The following MNAT1 variants were observed in gnomAD, a reference collection of about 807,000 sequenced individuals.
MNAT1 encodes MNAT1 component of CDK activating kinase.
Under a neutral mutation model 42.0 loss-of-function variants are expected in MNAT1, and 43 were observed. That is an observed-to-expected ratio of 1.02 (90% CI 0.80 to 1.32). The LOEUF is 1.32. Ranked by LOEUF, MNAT1 falls within the 40% of genes most tolerant of loss-of-function variation. The pLI, the probability that MNAT1 is intolerant of heterozygous loss-of-function variation, is 0.00. For synonymous variants in MNAT1, 118 were observed against 120.0 expected, an observed-to-expected ratio of 0.98 and a Z score of 0.11; for missense variants, 306 against 350.4, an observed-to-expected ratio of 0.87 and a Z score of 1.01.
intron 6 of MNAT1, among the ~76,000 whole-genome samples, chr14:60,865,499 G>T (rs1016211497): frequency 1.8e-4 from 28 of 152,036 alleles, no homozygotes; most frequent in Non-Finnish European, 3.7e-4. Flanking sequence ...TTTAAAGGAG[G>T]CAGGTTTTGT....
At chr14:60,900,757 A>AT (rs1162987742) in intron 7 of MNAT1, among the ~76,000 whole-genome samples, 1 of 152,136 alleles carries the variant, frequency 6.6e-6, no homozygotes, top group African/African-American at 2.4e-5. Context: ...CACACCTCTC[A>AT]TTCCAGGATT....
At chr14:60,805,531 G>C (rs1029212942) in intron 3 of MNAT1, among the ~76,000 whole-genome samples, 1 of 152,152 alleles carries the variant, frequency 6.6e-6, no homozygotes. Context: ...CATTTTAACT[G>C]TCCTAAAAAT....
chr14:60,912,223 A>T (rs1460828602), intron 7 of MNAT1, among the ~76,000 whole-genome samples: 1 of 152,084 alleles, frequency 6.6e-6, no homozygotes, highest in Non-Finnish European at 1.5e-5. Flanking sequence ...GTCTGTGCAC[A>T]TGAGATGGGT....
intron 6 of MNAT1, among the ~76,000 whole-genome samples, chr14:60,861,114 G>T (rs1035214031): frequency 8.6e-5 from 13 of 152,010 alleles, no homozygotes; most frequent in African/African-American, 3.1e-4. Context: ...GTCTCATGTA[G>T]TGCAGATTAA....
At chr14:60,909,350 G>C (rs1345009133) in intron 7 of MNAT1, among the ~76,000 whole-genome samples, 1 of 151,994 alleles carries the variant, frequency 6.6e-6, no homozygotes, top group East Asian at 1.9e-4. Flanking sequence ...TGTCAATTTT[G>C]GCTTTTGTTG....
chr14:60,935,600 T>C (rs7156087), intron 7 of MNAT1, among the ~76,000 whole-genome samples: 134,821 of 152,140 alleles, frequency 0.89, 60,776 homozygotes, highest in Non-Finnish European at 0.99. Flanking sequence ...TATGGGCACA[T>C]AATGTGTTTG....
At chr14:60,844,689 G>A (rs2033639882) in intron 6 of MNAT1, among the ~76,000 whole-genome samples, 1 of 151,176 alleles carries the variant, frequency 6.6e-6, no homozygotes, top group Non-Finnish European at 1.5e-5. Flanking sequence ...TTGCCCTATT[G>A]CAGTGCCTTA....
chr14:60,741,018 C>CTT (rs1298178835), intron 1 of MNAT1, among the ~76,000 whole-genome samples: 4 of 152,194 alleles, frequency 2.6e-5, no homozygotes, highest in South Asian at 4.1e-4. Flanking sequence ...ATACTTTATG[C>CTT]ATTTTGGAAC....
At chr14:60,858,088 C>G (rs2034005767) in intron 6 of MNAT1, among the ~76,000 whole-genome samples, 1 of 152,018 alleles carries the variant, frequency 6.6e-6, no homozygotes, top group Non-Finnish European at 1.5e-5. Flanking sequence ...TGGTATATAC[C>G]CAGTAATGGG....
At chr14:60,741,259 A>G (rs190364523) in intron 1 of MNAT1, among the ~76,000 whole-genome samples, 2 of 152,312 alleles carry the variant, frequency 1.3e-5, no homozygotes, top group East Asian at 3.9e-4. Flanking sequence ...TGGCACAATC[A>G]TAAACTCCTG....
chr14:60,958,386 G>C (rs868410759), intron 7 of MNAT1, among the ~76,000 whole-genome samples: 1 of 151,928 alleles, frequency 6.6e-6, no homozygotes, highest in Admixed American at 6.6e-5. Context: ...TTCATCAGTG[G>C]TCTTATTTAG....
intron 6 of MNAT1, among the ~76,000 whole-genome samples, chr14:60,838,656 T>A (rs2033462940): frequency 6.6e-6 from 1 of 151,082 alleles, no homozygotes; most frequent in Non-Finnish European, 1.5e-5. Flanking sequence ...CAGGTGGGAG[T>A]CCCGCCCCAT....
intron 6 of MNAT1, among the ~76,000 whole-genome samples, chr14:60,834,999 C>T (rs1329070800): frequency 1.5e-5 from 2 of 132,674 alleles, no homozygotes; most frequent in African/African-American, 3.2e-5. Flanking sequence ...CGCCCTCCCT[C>T]CCTCCCTCCC....
chr14:60,961,088 G>A (rs1478268909), intron 7 of MNAT1, among the ~76,000 whole-genome samples: 3 of 151,892 alleles, frequency 2.0e-5, no homozygotes, highest in South Asian at 4.2e-4. Flanking sequence ...TCAGCCTCCC[G>A]AGTAGCTGAG....
chr14:60,793,008 C>G (rs574829673), intron 1 of MNAT1, among the ~76,000 whole-genome samples: 2 of 151,530 alleles, frequency 1.3e-5, no homozygotes, highest in South Asian at 4.2e-4. Flanking sequence ...TCAACTACTA[C>G]TTCTTCTTCT....
intron 6 of MNAT1, among the ~76,000 whole-genome samples, chr14:60,848,583 G>C (rs1159047960): frequency 2.0e-5 from 3 of 152,084 alleles, no homozygotes; most frequent in African/African-American, 7.2e-5. Context: ...TTTGTTATAA[G>C]AAATGGTGAT....
At chr14:60,813,650 A>G (rs2032624830) in intron 5 of MNAT1, among the ~76,000 whole-genome samples, 2 of 152,216 alleles carry the variant, frequency 1.3e-5, no homozygotes, top group Admixed American at 1.3e-4. Context: ...TAGTCCACAC[A>G]GTATGTACTG....
intron 7 of MNAT1, among the ~76,000 whole-genome samples, chr14:60,892,465 A>G (rs2034866758): frequency 1.3e-5 from 2 of 151,878 alleles, no homozygotes; most frequent in South Asian, 4.2e-4. Flanking sequence ...TTTACTTTTA[A>G]CCTATTTGTG....
At chr14:60,947,730 T>A (rs1594901744) in intron 7 of MNAT1, among the ~76,000 whole-genome samples, 1 of 152,334 alleles carries the variant, frequency 6.6e-6, no homozygotes, top group Non-Finnish European at 1.5e-5. Context: ...ATTTTTTAGT[T>A]AGTTTGAAAA....
Sources: allele counts gnomAD v4.1 joint callset (sites outside exome capture counted in the v4.1 genomes callset), GRCh38; gene constraint gnomAD v4.1.1; transcripts MANE v1.5; gene names NCBI Gene and HGNC (gene_info 2026-07-23, HGNC 2026-07-21).